Variants in ZNF469 observed in about 807,000 individuals in gnomAD.
The protein encoded by ZNF469 is zinc finger protein 469.
Under a neutral mutation model 1.0 loss-of-function variants are expected in ZNF469, and 1 was observed. The ratio of observed to expected loss-of-function variants is 1.00; its 90% CI spans 0.35 to 4.73. ZNF469 has a LOEUF of 4.73. Ranked by LOEUF, ZNF469 falls within the 30% of genes most tolerant of loss-of-function variation. The pLI is 0.16. For missense variants in ZNF469, 6,100 were observed against 5,356.3 expected (o/e 1.14, Z -4.33); for synonymous variants, 2,703 against 2,363.4 (o/e 1.14, Z -4.17).
At chr16:88,296,336 G>A in the ZNF469 span, among the ~76,000 whole-genome samples, 1 of 152,114 alleles carries the variant, frequency 6.6e-6, no homozygotes, top group Non-Finnish European at 1.5e-5. Context: ...TGGGGGTGGG[G>A]GAATGACACA....
the ZNF469 span, among the ~76,000 whole-genome samples, chr16:88,314,986 A>C: frequency 6.6e-6 from 1 of 150,586 alleles, no homozygotes; most frequent in East Asian, 2.0e-4. Flanking sequence ...TCTGTAATTA[A>C]GATGATGCTG....
rs1906170738 is a variant in ZNF469, at chr16:88,431,384, C to G, written c.3914C>G (p.Pro1305Arg). Reference protein sequence around the residue: ...TPGVGSLLGGPGGTQAPVSHN... With the variant: ...TPGVGSLLGGRGGTQAPVSHN... ...GGTGTGGGCAGCCTGCTGGGTGGTC[C>G]TGGGGGCACACAGGCCCCAGTCTCC... The change falls in exon 3 of 3, where the codon CCT becomes CGT. Residue 1305 changes from proline (P) to arginine (R), a missense_variant. Coordinates refer to ENST00000565624, the MANE Select transcript of ZNF469 (RefSeq NM_001367624.2). The G allele has an allele frequency of 6.5e-7, 1 of 1,550,054 alleles. No individual in the cohort carries two copies. The highest frequency in any genetic ancestry group is 1.4e-5 in the African/African-American group (1 of 73,048).
chr16:88,224,235 C>T, the ZNF469 span, among the ~76,000 whole-genome samples: 1 of 152,182 alleles, frequency 6.6e-6, no homozygotes, highest in African/African-American at 2.4e-5. Flanking sequence ...ACCAGCGGCC[C>T]CAGGACCGCC....
chr16:88,438,788 G>A lies in ZNF469; in HGVS notation c.11318G>A (p.Arg3773Gln), dbSNP rs571622809. 1.0e-4 allele frequency: 158 copies of A among 1,550,220 alleles called. No homozygotes were observed. In the African/African-American group the frequency reaches 1.5e-3, roughly 15 times the overall value. Reference protein sequence around the residue: ...TTPAKPSFPSRSPAPERLPAR... With the variant: ...TTPAKPSFPSQSPAPERLPAR... ...CCAGCCAAGCCCAGCTTCCCCAGCC[G>A]GAGCCCTGCACCAGAGAGGCTCCCC... The change falls in exon 3 of 3, where the codon CGG (arginine) becomes CAG (glutamine). Residue 3773 changes from arginine to glutamine, a missense_variant. Coordinates refer to ENST00000565624, the MANE Select transcript of ZNF469 (RefSeq NM_001367624.2).
the ZNF469 span, among the ~76,000 whole-genome samples, chr16:88,116,209 C>G: frequency 7.2e-5 from 11 of 152,342 alleles, no homozygotes; most frequent in East Asian, 1.9e-3. Context: ...GACGGCCAAT[C>G]AGGGCATGGC....
the ZNF469 span, among the ~76,000 whole-genome samples, chr16:88,237,324 G>T: frequency 4.6e-3 from 3 of 650 alleles, no homozygotes; most frequent in African/African-American, 5.1e-3. Context: ...CCTGCCCTCC[G>T]TGCTCCTGCC....
the ZNF469 span, among the ~76,000 whole-genome samples, chr16:88,190,910 G>T: frequency 6.6e-6 from 1 of 152,212 alleles, no homozygotes; most frequent in Non-Finnish European, 1.5e-5. Flanking sequence ...GAGGGAGCCA[G>T]CCCCTGCCAA....
the ZNF469 span, among the ~76,000 whole-genome samples, chr16:88,197,949 C>A: frequency 6.6e-6 from 1 of 152,204 alleles, no homozygotes; most frequent in African/African-American, 2.4e-5. Flanking sequence ...GCTAGTGTGC[C>A]CACAACCCTC....
In ZNF469 at chr16:88,416,628, C is replaced by T. The variant is rs75122972; in HGVS notation, c.-191-8179C>T. 9.4e-3 allele frequency among the ~76,000 whole-genome samples: 1,435 copies of T among 152,334 alleles called. 19 individuals carry two copies. The highest frequency in any genetic ancestry group is 0.032 in the African/African-American group (1,336 of 41,576). On this transcript the variant is annotated intron_variant, in intron 1 of 2. Transcript: ENST00000565624. ...ACCACCATTACCGTGAGAAATTGCA[C>T]GCAGGGCTTCATTGGGAAAGAGTAA...
At chr16:88,218,190 C>A in the ZNF469 span, among the ~76,000 whole-genome samples, 1 of 147,018 alleles carries the variant, frequency 6.8e-6, no homozygotes, top group Non-Finnish European at 1.5e-5. Flanking sequence ...CTCTGATGGC[C>A]AGTGATGATG....
the ZNF469 span, among the ~76,000 whole-genome samples, chr16:88,307,034 C>A: frequency 6.6e-6 from 1 of 152,176 alleles, no homozygotes; most frequent in Admixed American, 6.5e-5. Context: ...CCCTGGCAAC[C>A]GCCAATCCAC....
the ZNF469 span, among the ~76,000 whole-genome samples, chr16:88,144,016 C>T: frequency 0.014 from 2,098 of 146,572 alleles, 57 homozygotes; most frequent in African/African-American, 0.051. Context: ...ACGTGCCAGG[C>T]GCAGGGGAAA....
chr16:88,377,585 C>T, the ZNF469 span, among the ~76,000 whole-genome samples: 1 of 152,190 alleles, frequency 6.6e-6, no homozygotes, highest in Non-Finnish European at 1.5e-5. Flanking sequence ...CTCCTTGGAC[C>T]GGGCTCAGCC....
At chr16:88,363,801 T>G in the ZNF469 span, among the ~76,000 whole-genome samples, 1 of 152,238 alleles carries the variant, frequency 6.6e-6, no homozygotes, top group Non-Finnish European at 1.5e-5. Flanking sequence ...AACATCAGCC[T>G]GCCTTTATTC....
the ZNF469 span, among the ~76,000 whole-genome samples, chr16:88,125,250 C>A: frequency 2.6e-5 from 4 of 152,316 alleles, no homozygotes; most frequent in Admixed American, 1.3e-4. Context: ...GGCATGCTGT[C>A]TTGTGGTTTT....
intron 1 of ZNF469, among the ~76,000 whole-genome samples, chr16:88,402,185 AATGG>A (rs1468247494): frequency 6.7e-6 from 1 of 148,446 alleles, no homozygotes; most frequent in Non-Finnish European, 1.5e-5. Flanking sequence ...TGGGTGGGCG[AATGG>A]ATGGATGGAA....
At chr16:88,246,902 AAT>A in the ZNF469 span, among the ~76,000 whole-genome samples, 2 of 152,124 alleles carry the variant, frequency 1.3e-5, no homozygotes, top group Non-Finnish European at 2.9e-5. Context: ...TGAATGAGTG[AAT>A]GAGTCAATCA....
the ZNF469 span, among the ~76,000 whole-genome samples, chr16:88,358,044 G>C: frequency 2.0e-5 from 3 of 152,364 alleles, no homozygotes; most frequent in South Asian, 6.2e-4. Context: ...GGACACGCGG[G>C]GGGCTGGGCC....
chr16:88,382,227 AG>A (rs554018424), upstream of ZNF469, among the ~76,000 whole-genome samples: 148 of 152,292 alleles, frequency 9.7e-4, no homozygotes, highest in African/African-American at 3.2e-3. Flanking sequence ...GTACTGGGCC[AG>A]GGGGCTCTGC....
Sources: allele counts gnomAD v4.1 joint callset (sites outside exome capture counted in the v4.1 genomes callset), GRCh38; gene constraint gnomAD v4.1.1; transcripts MANE v1.5; gene names NCBI Gene and HGNC (gene_info 2026-07-23, HGNC 2026-07-21).